BIRC6: variants seen among roughly 807,000 people sequenced by gnomAD.
BIRC6 encodes the protein baculoviral IAP repeat containing 6.
BIRC6 carries 98 observed loss-of-function variants against 503.3 expected under a neutral mutation model. The ratio of observed to expected loss-of-function variants is 0.19; its 90% CI spans 0.17 to 0.23. The LOEUF (loss-of-function observed/expected upper bound fraction) is 0.23. Among genes scored for constraint, BIRC6 ranks in the 10% least tolerant of loss-of-function variants. BIRC6 has a pLI of 1.00. For synonymous variants in BIRC6, 2,240 were observed against 2,078.7 expected, an observed-to-expected ratio of 1.08 and a Z score of -2.11; for missense variants, 5,360 against 5,806.0, an observed-to-expected ratio of 0.92 and a Z score of 2.50.
chr2:32,598,839 A>T (rs2061850127), intron 69 of BIRC6, among the ~76,000 whole-genome samples: 1 of 151,556 alleles, frequency 6.6e-6, no homozygotes, highest in Admixed American at 6.6e-5. Flanking sequence ...CCTGGCCAAC[A>T]TGGTGAAACC....
At chr2:32,599,935 A>G (rs751041240) in intron 70 of BIRC6, 35 bp downstream of exon 70, 34 of 1,587,712 alleles carry the variant, frequency 2.1e-5, no homozygotes, top group South Asian at 1.8e-4. Context: ...TCAAATGCCA[A>G]TGATTGTATA....
At position 32,539,562 on chromosome 2, in the gene BIRC6, A is replaced by G. The variant is rs866818139; in HGVS notation, c.12292-3679A>G. Among the ~76,000 whole-genome samples the G allele has an allele frequency of 3.3e-5, 5 of 152,318 alleles. No homozygotes were observed. The South Asian group carries it at 8.3e-4, about 25-fold the overall frequency. The stretch of plus-strand genomic sequence containing the variant: ...CTCAAATATGTGTAACCTAAGCAGT[A>G]TAGTTTTTAGTAACACATGGATGAA... On this transcript the variant is annotated intron_variant, in intron 61 of 73. Transcript: ENST00000421745.
chr2:32,451,455 G>A (rs2046721286), intron 22 of BIRC6, among the ~76,000 whole-genome samples: 1 of 152,144 alleles, frequency 6.6e-6, no homozygotes, highest in Non-Finnish European at 1.5e-5. Context: ...TTTATCGATT[G>A]TGAAAAAGCA....
intron 69 of BIRC6, among the ~76,000 whole-genome samples, chr2:32,598,783 GA>G (rs2061846290): frequency 6.6e-6 from 1 of 152,052 alleles, no homozygotes. Context: ...AGCACTTTGG[GA>G]GGCTGAGGTA....
chr2:32,529,407 G>T (rs984366268), intron 59 of BIRC6: 1 of 372,010 alleles, frequency 2.7e-6, no homozygotes, highest in Non-Finnish European at 4.8e-6. Flanking sequence ...GGAAATGTCT[G>T]TTCCTTTGTT....
chr2:32,433,611 G>T (rs1413110788), intron 12 of BIRC6, 33 bp from the exon 13 acceptor site: 2 of 1,498,810 alleles, frequency 1.3e-6, no homozygotes, highest in Admixed American at 1.8e-5. Context: ...AAAGATTTTT[G>T]CTTTATTTAG....
At chr2:32,544,214 A>C (rs536691123) in intron 62 of BIRC6, among the ~76,000 whole-genome samples, 1 of 152,326 alleles carries the variant, frequency 6.6e-6, no homozygotes, top group Non-Finnish European at 1.5e-5. Context: ...AATAGCAATA[A>C]AGGTTTATTA....
intron 8 of BIRC6, among the ~76,000 whole-genome samples, chr2:32,404,910 C>G (rs1028331494): frequency 6.6e-6 from 1 of 152,088 alleles, no homozygotes; most frequent in Non-Finnish European, 1.5e-5. Flanking sequence ...AGTCCTCCCT[C>G]CTTGTCCTCC....
chr2:32,545,555 T>C, intron 62 of BIRC6, 88 bp from the exon 63 acceptor site: 8 of 1,053,612 alleles, frequency 7.6e-6, no homozygotes, highest in Non-Finnish European at 1.0e-5. Context: ...TGTATTACAG[T>C]GTCATTATTA....
rs138855492 is a variant in BIRC6, at chr2:32,368,288, C to T, written c.326-9300C>T. Among the ~76,000 whole-genome samples, 536 of 152,152 alleles carry T rather than the reference C, an allele frequency of 3.5e-3. 3 individuals carry two copies. Among genetic ancestry groups the T allele is most frequent in the African/African-American group, 0.012 (478 of 41,500 alleles). On this transcript the variant is annotated intron_variant, in intron 1 of 73. Coordinates refer to ENST00000421745, the MANE Select transcript of BIRC6 (RefSeq NM_016252.4). ...GGGCATGGTGGCTCATGCCTGTAAT[C>T]CCAGCACTTTGGGAGGCCGAGGTGG... is the stretch of plus-strand genomic sequence containing the variant.
At chr2:32,363,017 C>CTACTT (rs1431212014) in intron 1 of BIRC6, among the ~76,000 whole-genome samples, 6 of 152,124 alleles carry the variant, frequency 3.9e-5, no homozygotes, top group Admixed American at 3.3e-4. Flanking sequence ...TTTGTCTTAT[C>CTACTT]TACTTTAATT....
At position 32,430,914 on chromosome 2, in the gene BIRC6, C is replaced by A. The variant is rs779571601; in HGVS notation, c.3072C>A (p.Ser1024=). Reference sequence around the variant, plus strand: ...CATTCACCCTTGAAATCTTGACATCCCTAGTGGAGCTAACCCGCTTTGAGA... The same window carrying A: ...CATTCACCCTTGAAATCTTGACATCACTAGTGGAGCTAACCCGCTTTGAGA... ...DQPFTLEILT[S]LVELTRFETL... The change falls in exon 12 of 74, where the codon TCC becomes TCA. Residue 1024 remains serine, a synonymous_variant. Coordinates refer to ENST00000421745, the MANE Select transcript of BIRC6 (RefSeq NM_016252.4). The A allele has an allele frequency of 1.9e-6, 3 of 1,610,998 alleles. No individual in the cohort carries two copies. In the African/African-American group the frequency reaches 4.0e-5, roughly 22 times the overall value.
In BIRC6 at chr2:32,487,694, C is replaced by G; in HGVS notation, c.7861C>G (p.Gln2621Glu). ...GTDDSLLGGL[Q>E]AANQTSQLII... ...AGATGATTCACTTCTAGGGGGTTTA[C>G]AAGCAGCAAACCAAACCAGCCAGCT... Residue 2621 changes from glutamine to glutamate, a missense_variant, in exon 41 of 74, where the codon CAA (glutamine) becomes GAA (glutamate). Coordinates refer to ENST00000421745, the MANE Select transcript of BIRC6 (RefSeq NM_016252.4). 1 of 1,613,710 alleles carries G rather than the reference C, an allele frequency of 6.2e-7. No individual in the cohort carries two copies. Among genetic ancestry groups the G allele is most frequent in the Admixed American group, 1.7e-5 (1 of 60,004 alleles).
chr2:32,428,657 G>GT lies in BIRC6; in HGVS notation c.2873-482dup, dbSNP rs570826524. ...TTAATTAAAGCTAAATTTGCTGTCA[G>GT]TTTTTTTCCTGTGACAGAGATTTTA... On this transcript the variant is annotated intron_variant, in intron 10 of 73. Transcript: ENST00000421745. 5.2e-3 allele frequency among the ~76,000 whole-genome samples: 786 copies of GT among 152,174 alleles called. 5 individuals are homozygous for GT. Among genetic ancestry groups the GT allele is most frequent in the African/African-American group, 0.018 (737 of 41,502 alleles).
At chr2:32,575,123 C>T (rs1221112644) in intron 65 of BIRC6, 33 bp from the exon 66 acceptor site, 4 of 1,601,582 alleles carry the variant, frequency 2.5e-6, no homozygotes, top group Admixed American at 3.3e-5. Context: ...TGTACATTTG[C>T]TCATTTTGTG....
chr2:32,514,736 T>C (rs1044410206), intron 54 of BIRC6, among the ~76,000 whole-genome samples: 5 of 152,212 alleles, frequency 3.3e-5, no homozygotes, highest in Admixed American at 3.3e-4. Flanking sequence ...CATTTTAAAA[T>C]AATTTACTTG....
chr2:32,584,766 T>C (rs2060915757), intron 66 of BIRC6, among the ~76,000 whole-genome samples: 1 of 152,192 alleles, frequency 6.6e-6, no homozygotes, highest in South Asian at 2.1e-4. Context: ...GCTTATTTCC[T>C]CTACTTGCCT....
chr2:32,489,470 TTTA>T (rs1196826458), intron 42 of BIRC6, among the ~76,000 whole-genome samples: 1 of 151,622 alleles, frequency 6.6e-6, no homozygotes, highest in East Asian at 1.9e-4. Context: ...TGTTTTTAAT[TTTA>T]TTATGAGAAA....
rs58458536 is a variant in BIRC6, at chr2:32,360,431, A to G, written c.325+2945A>G. Reference sequence around the variant, plus strand: ...TATTTGCTCCCTGTCAGTATTTAAGAGTGAAGATTTTTGAAGCTCTGAGCT... The same window carrying G: ...TATTTGCTCCCTGTCAGTATTTAAGGGTGAAGATTTTTGAAGCTCTGAGCT... On this transcript the variant is annotated intron_variant, in intron 1 of 73. Transcript: ENST00000421745. 7.1e-3 allele frequency among the ~76,000 whole-genome samples: 1,079 copies of G among 152,296 alleles called. 11 individuals carry two copies. Among genetic ancestry groups the G allele is most frequent in the African/African-American group, 0.025 (1,019 of 41,554 alleles).
Sources: gnomAD v4.1 joint callset for allele counts (sites outside exome capture counted in the v4.1 genomes callset) on GRCh38, gnomAD v4.1.1 for gene constraint, MANE v1.5 for transcripts, NCBI Gene and HGNC (gene_info 2026-07-23, HGNC 2026-07-21) for gene names.